Variants in ATAD3C observed in about 807,000 individuals in gnomAD.
The protein encoded by ATAD3C is ATPase family AAA domain-containing protein 3C.
A neutral mutation model predicts 46.3 loss-of-function variants in ATAD3C; 38 were observed. That is an observed-to-expected ratio of 0.82 (90% CI 0.63 to 1.08). The LOEUF is 1.08. Ranked by LOEUF, ATAD3C falls within the 50% of genes least tolerant of loss-of-function variation. ATAD3C has a pLI of 0.00. For missense variants in ATAD3C, 563 were observed against 572.7 expected, an observed-to-expected ratio of 0.98 and a Z score of 0.17; for synonymous variants, 220 against 236.4, an observed-to-expected ratio of 0.93 and a Z score of 0.63.
At chr1:1,458,001 C>T (rs1638996024) in intron 8 of ATAD3C, among the ~76,000 whole-genome samples, 1 of 151,630 alleles carries the variant, frequency 6.6e-6, no homozygotes, top group South Asian at 2.1e-4. Flanking sequence ...TTATTTGAGA[C>T]AAAGTCTCAC....
intron 5 of ATAD3C, 128 bp from the exon 6 acceptor site, chr1:1,455,663 A>G: frequency 6.4e-7 from 1 of 1,558,662 alleles, no homozygotes; most frequent in Non-Finnish European, 8.7e-7. Context: ...CCGGGGATAG[A>G]TAGGCTGCCC....
Position 1,454,789 on chromosome 1 carries a change from G to A in ATAD3C, c.378+289G>A, listed in dbSNP as rs547867579. ...CCGGGATTTGGGTGTGCGGCCGTCT[G>A]TCGGGGAAGCTGCTACAGGCCACAG... On this transcript the variant is annotated intron_variant, in intron 4 of 11. Coordinates refer to ENST00000378785, the MANE Select transcript of ATAD3C (RefSeq NM_001039211.3). Among the ~76,000 whole-genome samples the A allele has an allele frequency of 3.2e-4, 48 of 151,990 alleles. 1 individual carries two copies. Among genetic ancestry groups the A allele is most frequent in the Admixed American group, 1.6e-3 (25 of 15,246 alleles).
At chr1:1,454,879 G>C (rs894193765) in intron 4 of ATAD3C, among the ~76,000 whole-genome samples, 1 of 151,902 alleles carries the variant, frequency 6.6e-6, no homozygotes, top group African/African-American at 2.4e-5. Context: ...CTCTCCACAC[G>C]GGGGTGGCAG....
rs541643889 is a variant in ATAD3C, at chr1:1,462,439, C to T, written c.981-161C>T. On this transcript the variant is annotated intron_variant, in intron 10 of 11. Transcript: ENST00000378785. The surrounding 1 kb of genome is among the most constrained non-coding windows in gnomAD (Gnocchi z 4.5). ...CCCTTCCTGCTCAGCCCAGGCCTGG[C>T]TTGCGTCAGGAAGGGGGCGGAACTT... is the stretch of plus-strand genomic sequence containing the variant. 27 of 754,218 alleles carry T rather than the reference C, an allele frequency of 3.6e-5. 1 individual carries two copies. The highest frequency in any genetic ancestry group is 2.6e-4 in the African/African-American group (15 of 57,504). The allele number at this position is 754,218 out of a possible 1,614,324, so 46.7% of individuals were successfully genotyped here.
At chr1:1,455,355 A>G in intron 4 of ATAD3C, 105 bp from the exon 5 acceptor site, 1 of 1,492,428 alleles carries the variant, frequency 6.7e-7, no homozygotes, top group Non-Finnish European at 9.1e-7. Flanking sequence ...CCTGGCTGTG[A>G]TTCGGGGCAG....
rs1639077782 is a variant in ATAD3C at position 1,462,055 on chromosome 1, A to C, written c.981-545A>C. Among the ~76,000 whole-genome samples the C allele has an allele frequency of 6.6e-6, 1 of 151,918 alleles. No homozygotes were observed. On this transcript the variant is annotated intron_variant, in intron 10 of 11. Coordinates refer to ENST00000378785, the MANE Select transcript of ATAD3C (RefSeq NM_001039211.3). The surrounding 1 kb of genome is among the most constrained non-coding windows in gnomAD (Gnocchi z 4.5). ...GGCGTCCCCAGGGCCCCGGTTTCTG[A>C]GTCCTTCTGTGCACCTGACCCAAAT... is the stretch of plus-strand genomic sequence containing the variant.
In ATAD3C at chr1:1,464,840, T is replaced by G. The variant is rs187412113; in HGVS notation, c.1089+2132T>G. 7.2e-5 allele frequency among the ~76,000 whole-genome samples: 11 copies of G among 152,108 alleles called. No individual in the cohort carries two copies. The East Asian group carries it at 2.1e-3, about 29-fold the overall frequency. On this transcript the variant is annotated intron_variant, in intron 11 of 11. Coordinates refer to ENST00000378785, the MANE Select transcript of ATAD3C (RefSeq NM_001039211.3). ...ATTGAGGTTTTCACAGGGATTGCAT[T>G]TAGTCTCTATGTTGCTTTGATGTCT...
At chr1:1,464,151 G>A (rs1037369522) in intron 11 of ATAD3C, among the ~76,000 whole-genome samples, 11 of 150,634 alleles carry the variant, frequency 7.3e-5, no homozygotes, top group Non-Finnish European at 1.5e-4. Context: ...AGGTTGTGGT[G>A]AGCCGAGATC....
At position 1,462,723 on chromosome 1, in the gene ATAD3C, G is replaced by A. The variant is rs747787492; in HGVS notation, c.1089+15G>A. 7.5e-6 allele frequency: 12 copies of A among 1,591,412 alleles called. No homozygotes were observed. The highest frequency in any genetic ancestry group is 1.3e-5 in the African/African-American group (1 of 74,644). ...TGTCCTGGCAGGTGAGTCAGGCTCG[G>A]GTGCACCCACCCAGATGGAAGCCCA... is the stretch of plus-strand genomic sequence containing the variant. On this transcript the variant is annotated intron_variant, in intron 11 of 11. Coordinates refer to ENST00000378785, the MANE Select transcript of ATAD3C (RefSeq NM_001039211.3). The surrounding 1 kb of genome is among the most constrained non-coding windows in gnomAD (Gnocchi z 4.5).
Position 1,457,165 on chromosome 1 carries a change from T to C in ATAD3C, c.726T>C (p.Leu242=), listed in dbSNP as rs761355834. 6.2e-7 allele frequency: 1 copy of C among 1,613,208 alleles called. No homozygotes were observed. The highest frequency in any genetic ancestry group is 1.3e-5 in the African/African-American group (1 of 74,894). ...TTGTGGATGAAGCGGACGCCTTCCT[T>C]CGGAAGCGAGCCACTGTGAGTGTCA... The part of the protein sequence containing the change: ...LLFVDEADAF[L]RKRATEKISE... Residue 242 remains leucine (L), a synonymous_variant, in exon 8 of 12, where the codon CTT becomes CTC. Transcript: ENST00000378785.
At chr1:1,461,643 A>C (rs147067488) in intron 10 of ATAD3C, among the ~76,000 whole-genome samples, 6,833 of 110,624 alleles carry the variant, frequency 0.062, 414 homozygotes, top group African/African-American at 0.3. Flanking sequence ...ACCCCCATGT[A>C]GGGACTGGAG....
At chr1:1,455,713 A>G (rs1246788941) in intron 5 of ATAD3C, 78 bp from the exon 6 acceptor site, 5 of 1,592,836 alleles carry the variant, frequency 3.1e-6, no homozygotes, top group East Asian at 2.3e-5. Context: ...GTCCACACCC[A>G]GGCATTCTCG....
At chr1:1,455,628 C>A (rs1025054414) in intron 5 of ATAD3C, 109 bp downstream of exon 5, 4 of 1,578,966 alleles carry the variant, frequency 2.5e-6, no homozygotes. Flanking sequence ...CTTTTGGGTC[C>A]TGAGATGCGA....
In ATAD3C at chr1:1,451,782, C is replaced by G. The variant is rs1194868468; in HGVS notation, c.76-264C>G. On this transcript the variant is annotated intron_variant, in intron 1 of 11. Coordinates refer to ENST00000378785, the MANE Select transcript of ATAD3C (RefSeq NM_001039211.3). ...AATCAGGGCAGTGGTGTTGGGAGGTCGGCCAGCAGTGGCCCTTGTCAGGGA... is the reference window on the plus strand; with the variant it reads ...AATCAGGGCAGTGGTGTTGGGAGGTGGGCCAGCAGTGGCCCTTGTCAGGGA... Among the ~76,000 whole-genome samples the G allele has an allele frequency of 2.6e-5, 4 of 152,036 alleles. 1 individual carries two copies. The highest frequency in any genetic ancestry group is 2.9e-5 in the Non-Finnish European group (2 of 67,978).
Position 1,462,093 on chromosome 1 carries a change from C to T in ATAD3C, c.981-507C>T, listed in dbSNP as rs1639078098. Among the ~76,000 whole-genome samples the T allele has an allele frequency of 1.3e-5, 2 of 152,150 alleles. No individual in the cohort carries two copies. The highest frequency in any genetic ancestry group is 2.1e-4 in the South Asian group (1 of 4,808). Reference sequence around the variant, plus strand: ...ACCTGACCCAAATCCCTGCTGTCGCCAGTGACGACAAAAGCTGCTCTGTTC... The same window carrying T: ...ACCTGACCCAAATCCCTGCTGTCGCTAGTGACGACAAAAGCTGCTCTGTTC... On this transcript the variant is annotated intron_variant, in intron 10 of 11. Coordinates refer to ENST00000378785, the MANE Select transcript of ATAD3C (RefSeq NM_001039211.3). This position sits in a 1 kb window ranked among gnomAD's most constrained non-coding sequence, Gnocchi z 4.5.
intron 10 of ATAD3C, among the ~76,000 whole-genome samples, chr1:1,461,475 A>T (rs2100486590): frequency 6.7e-6 from 1 of 149,526 alleles, no homozygotes; most frequent in South Asian, 2.1e-4. Flanking sequence ...GATGTGAGCC[A>T]CTGTGCCCGG....
intron 11 of ATAD3C, among the ~76,000 whole-genome samples, chr1:1,465,744 T>G (rs1253742742): frequency 6.6e-6 from 1 of 151,924 alleles, no homozygotes; most frequent in Non-Finnish European, 1.5e-5. Context: ...TAAGATTATA[T>G]CATCTGAGAA....
chr1:1,458,024 G>A (rs1020520906), intron 8 of ATAD3C, among the ~76,000 whole-genome samples: 1 of 151,564 alleles, frequency 6.6e-6, no homozygotes, highest in East Asian at 1.9e-4. Context: ...TATCCCTTAA[G>A]CTGGCTTGCA....
At chr1:1,453,116 T>A (rs1387548069) in intron 3 of ATAD3C, among the ~76,000 whole-genome samples, 4 of 152,208 alleles carry the variant, frequency 2.6e-5, no homozygotes, top group East Asian at 3.9e-4. Context: ...CTGGTCAGTG[T>A]GACGGTGAAT....
Sources: gnomAD v4.1 joint callset for allele counts (sites outside exome capture counted in the v4.1 genomes callset) on GRCh38, gnomAD v4.1.1 for gene constraint, Gnocchi (gnomAD v3.1) non-coding constraint, MANE v1.5 for transcripts, NCBI Gene and HGNC (gene_info 2026-07-23, HGNC 2026-07-21) for gene names.